The following SCRN1 variants were observed in gnomAD, a reference collection of about 807,000 sequenced individuals.
SCRN1 encodes the protein secernin 1, also known as secernin-1.
A neutral mutation model predicts 43.3 loss-of-function variants in SCRN1; 19 were observed. The ratio of observed to expected loss-of-function variants is 0.44; its 90% confidence interval spans 0.31 to 0.64. The LOEUF (loss-of-function observed/expected upper bound fraction) is 0.64. SCRN1 is among the 30% of genes least tolerant of loss of function. The pLI is 0.09. For missense variants in SCRN1, 447 were observed against 524.1 expected (o/e 0.85, Z 1.44); for synonymous variants, 183 against 188.9 (o/e 0.97, Z 0.26).
In SCRN1 at chr7:29,931,862, C is replaced by T. The variant is rs573882182; in HGVS notation, c.905+4694G>A. On this transcript the variant is annotated intron_variant, in intron 6 of 7. Transcript: ENST00000242059. ...ACCAAGTTTCTCTCAAAAACGCAGG[C>T]GCCCCTCAGAGTGGTTCATCTATGT... 2.3e-4 allele frequency among the ~76,000 whole-genome samples: 35 copies of T among 152,304 alleles called. 1 individual carries two copies. Among genetic ancestry groups the T allele is most frequent in the African/African-American group, 7.9e-4 (33 of 41,570 alleles).
chr7:29,940,995 C>A (rs958731975), intron 4 of SCRN1, 119 bp from the exon 5 acceptor site: 3 of 832,630 alleles, frequency 3.6e-6, no homozygotes, highest in Admixed American at 3.8e-5. Flanking sequence ...GGGAGGAATC[C>A]ATTTAATTTT....
intron 2 of SCRN1, among the ~76,000 whole-genome samples, chr7:29,960,589 G>A (rs1788275266): frequency 6.6e-6 from 1 of 152,066 alleles, no homozygotes; most frequent in African/African-American, 2.4e-5. Context: ...GTAAACCTTA[G>A]CCAAAATCCA....
At chr7:29,932,058 T>C (rs1482671198) in intron 6 of SCRN1, among the ~76,000 whole-genome samples, 2 of 152,184 alleles carry the variant, frequency 1.3e-5, no homozygotes, top group Non-Finnish European at 2.9e-5. Flanking sequence ...GTTTCCATTT[T>C]AAAGGGAAAG....
At chr7:29,936,744 C>T in intron 5 of SCRN1, 23 bp from the exon 6 acceptor site, 1 of 1,513,542 alleles carries the variant, frequency 6.6e-7, no homozygotes, top group Non-Finnish European at 9.0e-7. Context: ...AAAAGACAGA[C>T]AAATGGAAAG....
chr7:29,955,183 C>T lies in SCRN1; in HGVS notation c.337G>A (p.Val113Ile). 1.2e-6 allele frequency: 2 copies of T among 1,613,974 alleles called. No homozygotes were observed. The highest frequency in any genetic ancestry group is 8.5e-7 in the Non-Finnish European group (1 of 1,179,912). Reference sequence around the variant, plus strand: ...CAAAGAATCACCATGCAGTACCTGACCAGATCCATCCCCAGCAAGGCTTCT... The same window carrying T: ...CAAAGAATCACCATGCAGTACCTGATCAGATCCATCCCCAGCAAGGCTTCT... ...EIEALLGMDL[V>I]RLGLERGETA... is the part of the protein sequence containing the mutation. Residue 113 changes from valine to isoleucine, a missense_variant, in exon 3 of 8, where the codon GTC (valine) becomes ATC (isoleucine). Coordinates refer to ENST00000242059, the MANE Select transcript of SCRN1 (RefSeq NM_014766.5).
chr7:29,935,318 C>T (rs930554162), intron 6 of SCRN1, among the ~76,000 whole-genome samples: 4 of 152,202 alleles, frequency 2.6e-5, no homozygotes, highest in African/African-American at 9.6e-5. Context: ...ATCTAAGAAC[C>T]AGTCCCTAGC....
intron 2 of SCRN1, among the ~76,000 whole-genome samples, chr7:29,967,351 T>C (rs1434774153): frequency 6.6e-6 from 1 of 152,104 alleles, no homozygotes; most frequent in East Asian, 1.9e-4. Flanking sequence ...ATTCTTGAGT[T>C]GTTGTTTTTA....
chr7:29,963,490 G>A lies in SCRN1; in HGVS notation c.159+5419C>T, dbSNP rs374751638. On this transcript the variant is annotated intron_variant, in intron 2 of 7. Coordinates refer to ENST00000242059, the MANE Select transcript of SCRN1 (RefSeq NM_014766.5). ...CAAGTGTGTTATTTGTTCAAGAAAA[G>A]GCAAGCAGTTCAGTGTAGCTGGGGC... is the stretch of plus-strand genomic sequence containing the variant. Among the ~76,000 whole-genome samples the A allele has an allele frequency of 2.2e-4, 34 of 152,306 alleles. No homozygotes were observed. In the East Asian group the frequency reaches 5.4e-3, roughly 24 times the overall value.
chr7:29,974,916 T>C (rs939889098), intron 1 of SCRN1, among the ~76,000 whole-genome samples: 35 of 152,118 alleles, frequency 2.3e-4, no homozygotes, highest in African/African-American at 8.2e-4. Flanking sequence ...ACTCCTGACA[T>C]CGTGATCCGT....
intron 2 of SCRN1, among the ~76,000 whole-genome samples, chr7:29,957,338 T>C (rs922599388): frequency 6.6e-6 from 1 of 152,204 alleles, no homozygotes; most frequent in East Asian, 1.9e-4. Flanking sequence ...CTTCAGTGTC[T>C]CCCAGGCCTG....
Position 29,955,285 on chromosome 7 carries a change from C to T in SCRN1, c.235G>A (p.Ala79Thr). The T allele has an allele frequency of 6.2e-7, 1 of 1,614,166 alleles. No individual in the cohort carries two copies. Among genetic ancestry groups the T allele is most frequent in the South Asian group, 1.1e-5 (1 of 91,084 alleles). Residue 79 changes from alanine to threonine, a missense_variant, in exon 3 of 8, where the codon GCA (alanine) becomes ACA (threonine). By Grantham distance (58) the Ala-to-Thr change is moderately conservative. Transcript: ENST00000242059. The stretch of plus-strand genomic sequence containing the variant: ...CCATGTTCATTGGCTCCCATTTCTG[C>T]TCCCCAGAGCCAGGCGGGTCTGCTT... The part of the protein sequence containing the change: ...MISRPAWLWG[A>T]EMGANEHGVC...
chr7:29,927,243 A>AG (rs1290373715), intron 6 of SCRN1, among the ~76,000 whole-genome samples: 1 of 152,100 alleles, frequency 6.6e-6, no homozygotes, highest in Non-Finnish European at 1.5e-5. Flanking sequence ...AATGCCCCCC[A>AG]GCTCTCTTCA....
intron 1 of SCRN1, among the ~76,000 whole-genome samples, chr7:29,973,718 G>T (rs1788730301): frequency 6.6e-6 from 1 of 152,206 alleles, no homozygotes; most frequent in African/African-American, 2.4e-5. Flanking sequence ...CCTGTGATAG[G>T]AAGGAAACCA....
At chr7:29,944,245 C>T in intron 3 of SCRN1, 66 bp from the exon 4 acceptor site, 1 of 1,484,612 alleles carries the variant, frequency 6.7e-7, no homozygotes, top group Non-Finnish European at 9.4e-7. Context: ...CTAGAGTAAC[C>T]AAAGACTGGG....
At position 29,921,488 on chromosome 7, in the gene SCRN1, T is replaced by C. The variant is rs984492752; in HGVS notation, c.*2469A>G. ...AAGTAAGCGCAGCCACATCAGCAGA[T>C]TCTCTGCTCTCTTGTCGTCTTTCTC... On this transcript the variant is annotated 3_prime_UTR_variant, in exon 8 of 8. Coordinates refer to ENST00000242059, the MANE Select transcript of SCRN1 (RefSeq NM_014766.5). 27 of 152,034 alleles carry C rather than the reference T, an allele frequency of 1.8e-4. No individual in the cohort carries two copies. The highest frequency in any genetic ancestry group is 6.0e-4 in the African/African-American group (25 of 41,508). The allele number at this position is 152,034 out of a possible 1,614,324, so 9.4% of individuals were successfully genotyped here. A position where few individuals can be genotyped will look rare whatever the true frequency, so the allele number is the denominator to read the frequency against.
intron 1 of SCRN1, among the ~76,000 whole-genome samples, chr7:29,974,824 C>T (rs568944050): frequency 1.3e-4 from 20 of 151,988 alleles, no homozygotes; most frequent in Admixed American, 4.6e-4. Context: ...GCTGGGATTA[C>T]AGGCGCATAC....
intron 6 of SCRN1, among the ~76,000 whole-genome samples, chr7:29,934,866 A>C (rs528591125): frequency 6.6e-6 from 1 of 152,320 alleles, no homozygotes; most frequent in East Asian, 1.9e-4. Flanking sequence ...TAGAGGAGCA[A>C]TAGTCACCTA....
At chr7:29,944,250 A>T in intron 3 of SCRN1, 71 bp from the exon 4 acceptor site, 1 of 1,441,394 alleles carries the variant, frequency 6.9e-7, no homozygotes, top group South Asian at 1.2e-5. Context: ...GTAACCAAAG[A>T]CTGGGCAAGG....
chr7:29,970,027 C>G, intron 1 of SCRN1: 2 of 375,950 alleles, frequency 5.3e-6, no homozygotes, highest in Non-Finnish European at 1.1e-5. Flanking sequence ...CTGCACCAAG[C>G]CACCACCATC....
Sources: gnomAD v4.1 joint callset for allele counts (sites outside exome capture counted in the v4.1 genomes callset) on GRCh38, gnomAD v4.1.1 for gene constraint, MANE v1.5 for transcripts, NCBI Gene and HGNC (gene_info 2026-07-23, HGNC 2026-07-21) for gene names.